The following CCSER1 variants were observed in gnomAD, a reference collection of about 807,000 sequenced individuals.
CCSER1 encodes the protein coiled-coil serine rich protein 1.
Under a neutral mutation model 82.0 loss-of-function variants are expected in CCSER1, and 41 were observed. The ratio of observed to expected loss-of-function variants is 0.50; its 90% CI spans 0.39 to 0.65. CCSER1 has a LOEUF of 0.65. Ranked by LOEUF, CCSER1 falls within the 30% of genes least tolerant of loss-of-function variation. The pLI is 0.00. For missense variants in CCSER1, 1,119 were observed against 1,064.2 expected (o/e 1.05, Z -0.72); for synonymous variants, 414 against 383.9 (o/e 1.08, Z -0.92).
chr4:91,433,051 A>G (rs1754422089), intron 10 of CCSER1, among the ~76,000 whole-genome samples: 1 of 152,164 alleles, frequency 6.6e-6, no homozygotes, highest in Non-Finnish European at 1.5e-5. Flanking sequence ...GTTGAATAAA[A>G]TAAGTGATAT....
intron 10 of CCSER1, among the ~76,000 whole-genome samples, chr4:91,404,317 C>A (rs1274682970): frequency 2.0e-5 from 3 of 151,996 alleles, no homozygotes; most frequent in Non-Finnish European, 4.4e-5. Flanking sequence ...AGCAGTCTAT[C>A]AATTTTGTTG....
rs538780957 is a variant in CCSER1 at position 91,125,139 on chromosome 4, G to GTA, written c.2217+39153_2217+39154dup. On this transcript the variant is annotated intron_variant, in intron 10 of 10. Coordinates refer to ENST00000509176, the MANE Select transcript of CCSER1 (RefSeq NM_001145065.2). ...CTACTTCAATCAGTATATCAAATTTGTATATATATTTAGGTATATTTTAAA... is the reference window on the plus strand; with the variant it reads ...CTACTTCAATCAGTATATCAAATTTGTATATATATATTTAGGTATATTTTAAA... 1.1e-3 allele frequency among the ~76,000 whole-genome samples: 171 copies of GTA among 151,590 alleles called. 2 individuals carry two copies. The highest frequency in any genetic ancestry group is 3.8e-3 in the African/African-American group (159 of 41,468).
chr4:91,349,497 AC>A (rs1367876547), intron 10 of CCSER1, among the ~76,000 whole-genome samples: 2 of 152,096 alleles, frequency 1.3e-5, no homozygotes, highest in Admixed American at 1.3e-4. Flanking sequence ...GAGCCTGTGC[AC>A]CTTATAGAAG....
intron 10 of CCSER1, among the ~76,000 whole-genome samples, chr4:91,218,806 T>C (rs1464646285): frequency 6.6e-6 from 1 of 152,206 alleles, no homozygotes; most frequent in Non-Finnish European, 1.5e-5. Context: ...CTGGCCTATC[T>C]GTTTATCACC....
intron 5 of CCSER1, among the ~76,000 whole-genome samples, chr4:90,511,771 GA>G (rs1258812425): frequency 1.3e-5 from 2 of 152,166 alleles, no homozygotes; most frequent in Admixed American, 6.5e-5. Context: ...GAGGCAGAAA[GA>G]AAATAATTGA....
intron 8 of CCSER1, among the ~76,000 whole-genome samples, chr4:90,828,719 T>C (rs900204043): frequency 6.6e-6 from 1 of 152,150 alleles, no homozygotes; most frequent in Non-Finnish European, 1.5e-5. Context: ...TTCCCTCTCA[T>C]TGGTGGGCTC....
intron 9 of CCSER1, among the ~76,000 whole-genome samples, chr4:91,073,364 A>G (rs899410169): frequency 1.3e-5 from 2 of 152,146 alleles, no homozygotes; most frequent in Admixed American, 6.5e-5. Context: ...TCTTTAAACT[A>G]TGTTTATTAA....
At chr4:90,711,975 T>C (rs775776124) in intron 6 of CCSER1, among the ~76,000 whole-genome samples, 1 of 151,954 alleles carries the variant, frequency 6.6e-6, no homozygotes, top group Non-Finnish European at 1.5e-5. Context: ...TTTTTTTGTA[T>C]TTCTGTTGGG....
intron 9 of CCSER1, among the ~76,000 whole-genome samples, chr4:91,026,075 A>C (rs1048296159): frequency 5.3e-5 from 8 of 152,162 alleles, no homozygotes; most frequent in Non-Finnish European, 1.5e-5. Context: ...GGAAGGCTAA[A>C]CACATTCTGC....
At chr4:90,560,488 A>G (rs1361340720) in intron 5 of CCSER1, among the ~76,000 whole-genome samples, 1 of 152,134 alleles carries the variant, frequency 6.6e-6, no homozygotes, top group Admixed American at 6.5e-5. Flanking sequence ...TGCCTGCAAA[A>G]TGTATTAATG....
At chr4:90,778,700 T>C (rs1283653147) in intron 7 of CCSER1, among the ~76,000 whole-genome samples, 6 of 152,080 alleles carry the variant, frequency 3.9e-5, no homozygotes, top group Non-Finnish European at 7.4e-5. Context: ...TGGGATACCA[T>C]GTTTAAACTA....
chr4:91,269,560 T>C (rs1285571657), intron 10 of CCSER1, among the ~76,000 whole-genome samples: 2 of 152,232 alleles, frequency 1.3e-5, no homozygotes, highest in Non-Finnish European at 2.9e-5. Flanking sequence ...TTTAAAATTT[T>C]ATCATTCTAC....
At chr4:90,651,827 A>G (rs1728806464) in intron 6 of CCSER1, among the ~76,000 whole-genome samples, 1 of 152,140 alleles carries the variant, frequency 6.6e-6, no homozygotes, top group African/African-American at 2.4e-5. Context: ...CATTTAAAAG[A>G]TTGTTGTTCC....
At chr4:90,734,559 T>A (rs1489205198) in intron 7 of CCSER1, among the ~76,000 whole-genome samples, 1 of 152,218 alleles carries the variant, frequency 6.6e-6, no homozygotes, top group Non-Finnish European at 1.5e-5. Flanking sequence ...GTATTTATTT[T>A]TGTTTATAGC....
At position 91,086,877 on chromosome 4, in the gene CCSER1, AGATAT is replaced by A. The variant is rs542728262; in HGVS notation, c.2217+884_2217+888del. Among the ~76,000 whole-genome samples, 16 of 152,172 alleles carry A rather than the reference AGATAT, an allele frequency of 1.1e-4. No homozygotes were observed. The South Asian group carries it at 2.7e-3, about 26-fold the overall frequency. On this transcript the variant is annotated intron_variant, in intron 10 of 10. Transcript: ENST00000509176. ...ATTTAAGGTCTCTTTCCATTTTCTC[AGATAT>A]TTTCCATCCAGAAAAATCTATTTTT...
chr4:90,200,092 A>G (rs1475346803), intron 1 of CCSER1, among the ~76,000 whole-genome samples: 1 of 149,690 alleles, frequency 6.7e-6, no homozygotes, highest in African/African-American at 2.5e-5. Flanking sequence ...ACACACACAC[A>G]CTTTTTTTTC....
intron 9 of CCSER1, among the ~76,000 whole-genome samples, chr4:91,052,376 G>C (rs1270950028): frequency 6.6e-6 from 1 of 152,004 alleles, no homozygotes; most frequent in East Asian, 1.9e-4. Flanking sequence ...ATCATTGTTT[G>C]ATAACCTATA....
At chr4:90,181,877 G>A (rs1431036306) in intron 1 of CCSER1, among the ~76,000 whole-genome samples, 1 of 152,064 alleles carries the variant, frequency 6.6e-6, no homozygotes, top group African/African-American at 2.4e-5. Flanking sequence ...GAGAGTGTGA[G>A]ACAGCCACAG....
intron 6 of CCSER1, among the ~76,000 whole-genome samples, chr4:90,663,631 C>A (rs188684329): frequency 1.3e-5 from 2 of 152,196 alleles, no homozygotes; most frequent in African/African-American, 4.8e-5. Context: ...ATTACAGGTG[C>A]GACTACCACA....
Sources: gnomAD v4.1 joint callset for allele counts (sites outside exome capture counted in the v4.1 genomes callset) on GRCh38, gnomAD v4.1.1 for gene constraint, MANE v1.5 for transcripts, NCBI Gene and HGNC (gene_info 2026-07-23, HGNC 2026-07-21) for gene names.